Variants in ART3 observed in about 807,000 individuals in gnomAD.
ART3 encodes ecto-ADP-ribosyltransferase 3.
A neutral mutation model predicts 48.5 loss-of-function variants in ART3; 49 were observed. The observed-to-expected ratio is 1.01, with a 90% confidence interval of 0.80 to 1.28. The LOEUF (loss-of-function observed/expected upper bound fraction) is 1.28. Ranked by LOEUF, ART3 falls within the 50% of genes most tolerant of loss-of-function variation. ART3 has a pLI of 0.00. For synonymous variants in ART3, 145 were observed against 157.2 expected (o/e 0.92, Z 0.58); for missense variants, 438 against 454.3 (o/e 0.96, Z 0.33).
intron 1 of ART3, among the ~76,000 whole-genome samples, chr4:76,023,209 A>G (rs925474785): frequency 6.6e-6 from 1 of 151,750 alleles, no homozygotes; most frequent in African/African-American, 2.4e-5. Flanking sequence ...CTCTCACTTC[A>G]ATTCATATAA....
In ART3 at chr4:76,081,950, T is replaced by C. The variant is rs1241347791; in HGVS notation, c.196T>C (p.Leu66=). Residue 66 remains leucine (L), a synonymous_variant, in exon 3 of 12, where the codon TTA becomes CTA. Coordinates refer to ENST00000355810, the MANE Select transcript of ART3 (RefSeq NM_001130016.3). ...GGAGGAAAAAGCAAGCCACCAGCAA[T>C]TAGATACTGTGTGGGAAAATGCAAA... The part of the protein sequence containing the change: ...LKEEKASHQQ[L]DTVWENAKAK... 1 of 1,614,140 alleles carries C rather than the reference T, an allele frequency of 6.2e-7. No individual in the cohort carries two copies. Among genetic ancestry groups the C allele is most frequent in the South Asian group, 1.1e-5 (1 of 91,082 alleles).
upstream of ART3, among the ~76,000 whole-genome samples, chr4:76,072,547 A>G (rs1163691551): frequency 6.6e-6 from 1 of 151,938 alleles, no homozygotes; most frequent in African/African-American, 2.4e-5. Flanking sequence ...TTGCATTATT[A>G]TAATAACCTG....
chr4:76,085,236 C>T (rs903444081), intron 3 of ART3, among the ~76,000 whole-genome samples: 2 of 152,148 alleles, frequency 1.3e-5, no homozygotes, highest in African/African-American at 4.8e-5. Flanking sequence ...GCTGCTGGGT[C>T]AAGTAAAGTG....
At chr4:76,101,079 T>TGG (rs1368653323) in intron 8 of ART3, 60 bp downstream of exon 8, 1 of 1,586,072 alleles carries the variant, frequency 6.3e-7, no homozygotes, top group Non-Finnish European at 8.6e-7. Flanking sequence ...CCTTTACATG[T>TGG]GGGAACAGGG....
At chr4:76,085,240 T>C (rs747376961) in intron 3 of ART3, among the ~76,000 whole-genome samples, 1 of 152,180 alleles carries the variant, frequency 6.6e-6, no homozygotes, top group East Asian at 1.9e-4. Flanking sequence ...CTGGGTCAAG[T>C]AAAGTGTGCA....
chr4:76,112,357 TGTCA>T (rs775659387), intron 11 of ART3, 25 bp from the exon 12 acceptor site: 8 of 1,579,394 alleles, frequency 5.1e-6, no homozygotes, highest in Non-Finnish European at 6.9e-6. Context: ...AAAAATGATG[TGTCA>T]GTGACTGTGT....
intron 2 of ART3, among the ~76,000 whole-genome samples, chr4:76,077,008 C>T (rs1291769745): frequency 6.6e-6 from 1 of 152,070 alleles, no homozygotes; most frequent in African/African-American, 2.4e-5. Flanking sequence ...TCCTGTGTCG[C>T]AGTATGTTTT....
intron 1 of ART3, among the ~76,000 whole-genome samples, chr4:76,031,250 T>C (rs552764499): frequency 6.6e-6 from 1 of 152,332 alleles, no homozygotes; most frequent in Admixed American, 6.5e-5. Flanking sequence ...TGGCATGTAT[T>C]ACCGATTTTA....
At chr4:76,100,770 T>G (rs749195745) in intron 6 of ART3, 25 bp from the exon 7 acceptor site, 1 of 1,606,560 alleles carries the variant, frequency 6.2e-7, no homozygotes, top group Non-Finnish European at 8.5e-7. Context: ...TCGTTAAAAC[T>G]GATGAGCTTC....
In ART3 at chr4:76,101,021, T is replaced by C. The variant is rs753275241; in HGVS notation, c.937+2T>C. On this transcript the variant is annotated splice_donor_variant, in intron 8 of 11. Coordinates refer to ENST00000355810, the MANE Select transcript of ART3 (RefSeq NM_001130016.3). LOFTEE classifies it high-confidence loss of function. ...AAAACCAGAAGCTTGAAGACCATGG[T>C]AAGACATTTATGTAAATTCTGGGGG... 1 of 1,613,528 alleles carries C rather than the reference T, an allele frequency of 6.2e-7. No homozygotes were observed. Among genetic ancestry groups the C allele is most frequent in the South Asian group, 1.1e-5 (1 of 90,920 alleles).
intron 1 of ART3, among the ~76,000 whole-genome samples, chr4:76,028,212 A>C (rs1733581999): frequency 6.6e-6 from 1 of 152,218 alleles, no homozygotes. Context: ...TAGCAAGCCC[A>C]CTATTACTTA....
At chr4:76,059,026 T>C (rs6837830) in intron 1 of ART3, among the ~76,000 whole-genome samples, 88,904 of 151,812 alleles carry the variant, frequency 0.59, 26,874 homozygotes, top group East Asian at 0.94. Context: ...CAGCTGGCTG[T>C]CCTTGATTGG....
At chr4:76,037,746 A>G (rs4478212) in intron 1 of ART3, among the ~76,000 whole-genome samples, 93,000 of 152,038 alleles carry the variant, frequency 0.61, 29,522 homozygotes, top group East Asian at 0.94. Context: ...AACCATCAAT[A>G]ATATTTTTTT....
chr4:76,014,990 A>G (rs1229693084), intron 1 of ART3, among the ~76,000 whole-genome samples: 1 of 152,220 alleles, frequency 6.6e-6, no homozygotes, highest in East Asian at 1.9e-4. Flanking sequence ...AAATGAAGAC[A>G]TTTTTAAATA....
Position 76,105,562 on chromosome 4 carries a change from A to G in ART3, c.1003+933A>G, listed in dbSNP as rs558128858. ...AACTGAATGAAAAACCTGGTAATAT[A>G]TTCTTTATTGGGGGTGGAGGCACCA... is the stretch of plus-strand genomic sequence containing the variant. On this transcript the variant is annotated intron_variant, in intron 10 of 11. Coordinates refer to ENST00000355810, the MANE Select transcript of ART3 (RefSeq NM_001130016.3). The G allele has an allele frequency of 1.0e-3, 1,330 of 1,288,440 alleles. 2 individuals carry two copies. The highest frequency in any genetic ancestry group is 1.3e-3 in the Non-Finnish European group (1,257 of 988,420). The allele number at this position is 1,288,440 out of a possible 1,614,324, so 79.8% of individuals were successfully genotyped here. A position where few individuals can be genotyped will look rare whatever the true frequency, so the allele number is the denominator to read the frequency against.
Position 76,023,264 on chromosome 4 carries a change from TA to T in ART3, c.-10+11946del. Reference sequence around the variant, plus strand: ...TCTCTATTTATTTCCCTCTTATTTATAAGCATGCAGTGAAACTTTTACAAAT... The same window carrying T: ...TCTCTATTTATTTCCCTCTTATTTATAGCATGCAGTGAAACTTTTACAAAT... On this transcript the variant is annotated intron_variant, in intron 1 of 9. Transcript: ENST00000341029. The T allele has an allele frequency of 3.6e-6, 3 of 825,970 alleles. No individual in the cohort carries two copies. The South Asian group carries it at 4.5e-5, about 12-fold the overall frequency. The allele number at this position is 825,970 out of a possible 1,614,324, so 51.2% of individuals were successfully genotyped here.
intron 3 of ART3, among the ~76,000 whole-genome samples, chr4:76,094,430 T>C (rs1725575131): frequency 6.6e-6 from 1 of 152,254 alleles, no homozygotes; most frequent in African/African-American, 2.4e-5. Flanking sequence ...GGGTGCCAGA[T>C]GCTGTGAATT....
intron 1 of ART3, chr4:76,034,255 T>G (rs997485528): frequency 1.3e-5 from 5 of 394,762 alleles, no homozygotes; most frequent in Non-Finnish European, 2.2e-5. Context: ...GAGGAATGTT[T>G]TACGACACAT....
chr4:76,100,344 G>T (rs1480892592), intron 6 of ART3, 24 bp downstream of exon 6: 4 of 1,611,430 alleles, frequency 2.5e-6, no homozygotes, highest in Non-Finnish European at 3.4e-6. Context: ...ATAAATTCTG[G>T]GGGCTTGGCC....
Sources: allele counts gnomAD v4.1 joint callset (sites outside exome capture counted in the v4.1 genomes callset), GRCh38; gene constraint gnomAD v4.1.1; transcripts MANE v1.5; gene names NCBI Gene and HGNC (gene_info 2026-07-23, HGNC 2026-07-21).